The following CYP2A6 variants were observed in gnomAD, a reference collection of about 807,000 sequenced individuals.
The protein encoded by CYP2A6 is cytochrome P450 2A6.
Under a neutral mutation model 42.3 loss-of-function variants are expected in CYP2A6, and 27 were observed. That is an observed-to-expected ratio of 0.64 (90% CI 0.47 to 0.88). The LOEUF (loss-of-function observed/expected upper bound fraction) is 0.88, where lower values mean the gene tolerates loss of function less well. Ranked by LOEUF, CYP2A6 falls within the 40% of genes least tolerant of loss-of-function variation. The pLI, the probability that CYP2A6 is intolerant of heterozygous loss-of-function variation, is 0.00. For synonymous variants in CYP2A6, 238 were observed against 246.3 expected (o/e 0.97, Z 0.31); for missense variants, 628 against 646.0 (o/e 0.97, Z 0.30).
chr19:40,849,086 G>GAGAGAGAGAC (rs1967174021), intron 2 of CYP2A6, among the ~76,000 whole-genome samples: 1 of 145,088 alleles, frequency 6.9e-6, no homozygotes, highest in Non-Finnish European at 1.5e-5. Context: ...GAGAGAGAGA[G>GAGAGAGAGAC]AGACCAGGTT....
rs922092677 is a variant in CYP2A6, at chr19:40,843,951, G to C, written c.1330C>G (p.Leu444Val). Residue 444 changes from leucine to valine, a missense_variant, in exon 9 of 9, where the codon CTG (leucine) becomes GTG (valine). Transcript: ENST00000301141. The stretch of plus-strand genomic sequence containing the variant: ...AAGAGAAAGAGCTCCATTCTGGCCA[G>C]GCCTTCTCCGAAACAGTTCCGCTTT... ...IGKRNCFGEG[L>V]ARMELFLFFT... The C allele has an allele frequency of 6.2e-7, 1 of 1,608,882 alleles. No individual in the cohort carries two copies.
intron 1 of CYP2A6, 66 bp downstream of exon 1, chr19:40,850,181 G>C: frequency 1.3e-6 from 2 of 1,571,078 alleles, no homozygotes; most frequent in Non-Finnish European, 1.7e-6. Flanking sequence ...TCAACCCCCT[G>C]CCACAAAGCC....
At position 40,845,940 on chromosome 19, in the gene CYP2A6, C is replaced by T. The variant is rs761848214; in HGVS notation, c.973+16G>A. The stretch of plus-strand genomic sequence containing the variant: ...AGGGTCTGGGGCCCTCCACTTCCGT[C>T]CCCCTCCAGCCTTACCCTCCACCTC... On this transcript the variant is annotated intron_variant, in intron 6 of 8. Coordinates refer to ENST00000301141, the MANE Select transcript of CYP2A6 (RefSeq NM_000762.6). 22 of 1,608,116 alleles carry T rather than the reference C, an allele frequency of 1.4e-5. No homozygotes were observed. The highest frequency in any genetic ancestry group is 1.8e-5 in the Non-Finnish European group (21 of 1,178,704).
Position 40,848,772 on chromosome 19 carries a change from G to A in CYP2A6, c.344-9C>T, listed in dbSNP as rs967627690. The A allele has an allele frequency of 1.2e-6, 2 of 1,609,824 alleles. No individual in the cohort carries two copies. Among genetic ancestry groups the A allele is most frequent in the African/African-American group, 2.7e-5 (2 of 74,540 alleles). ...GTTGCTGAATACCACGCCTGGGGAG[G>A]TGAACGCGGGAATGGAGACAGGCCA... On this transcript the variant is annotated splice_polypyrimidine_tract_variant and intron_variant, in intron 2 of 8. Coordinates refer to ENST00000301141, the MANE Select transcript of CYP2A6 (RefSeq NM_000762.6).
In CYP2A6 at chr19:40,845,395, C is replaced by A. The variant is rs780602964; in HGVS notation, c.1060G>T (p.Ala354Ser). Residue 354 changes from alanine to serine, a missense_variant, in exon 7 of 9, where the codon GCA becomes TCA. Physicochemically the swap from Ala to Ser is moderately conservative, Grantham distance 99 (BLOSUM62 1). Transcript: ENST00000301141. ...EDRAKMPYME[A>S]VIHEIQRFGD... is the part of the protein sequence containing the mutation. ...AATCTTTGGATCTCGTGGATCACTGCCTCCATGTAGGGCATCTTGGCCCGG... is the reference window on the plus strand; with the variant it reads ...AATCTTTGGATCTCGTGGATCACTGACTCCATGTAGGGCATCTTGGCCCGG... 21 of 1,611,782 alleles carry A rather than the reference C, an allele frequency of 1.3e-5. No individual in the cohort carries two copies. In the Admixed American group the frequency reaches 3.3e-4, roughly 26 times the overall value.
chr19:40,843,704 CCA>C lies in CYP2A6; in HGVS notation c.*90_*91del. 7.6e-7 allele frequency: 1 copy of C among 1,321,158 alleles called. No homozygotes were observed. The highest frequency in any genetic ancestry group is 1.0e-6 in the Non-Finnish European group (1 of 989,838). The allele number at this position is 1,321,158 out of a possible 1,614,324, so 81.8% of individuals were successfully genotyped here. On this transcript the variant is annotated 3_prime_UTR_variant, in exon 9 of 9. Coordinates refer to ENST00000301141, the MANE Select transcript of CYP2A6 (RefSeq NM_000762.6). ...CCCCTTCCTTTCCGCCATCCTGCCC[CCA>C]GTCTTAGCTGCGCCCCTCTCCCAAG...
chr19:40,844,065 A>T, intron 8 of CYP2A6, 88 bp from the exon 9 acceptor site: 7 of 1,490,530 alleles, frequency 4.7e-6, no homozygotes, highest in Non-Finnish European at 6.2e-6. Flanking sequence ...CGGCTCTCCC[A>T]GGGAGGAAGG....
intron 6 of CYP2A6, 38 bp from the exon 7 acceptor site, chr19:40,845,519 G>T: frequency 1.2e-6 from 2 of 1,606,988 alleles, no homozygotes; most frequent in Non-Finnish European, 1.7e-6. Flanking sequence ...GTATCTAGGG[G>T]TCTCAGAGCA....
intron 4 of CYP2A6, among the ~76,000 whole-genome samples, chr19:40,847,485 T>C (rs1055289801): frequency 1.3e-4 from 20 of 151,408 alleles, no homozygotes; most frequent in Middle Eastern, 3.4e-3. Flanking sequence ...TGGGTCTGGA[T>C]TGGGGGCTTT....
intron 2 of CYP2A6, 41 bp from the exon 3 acceptor site, chr19:40,848,804 G>A (rs1315858693): frequency 3.8e-6 from 6 of 1,580,290 alleles, no homozygotes; most frequent in Non-Finnish European, 5.2e-6. Flanking sequence ...GCCAGGGGGC[G>A]GCAGGGGCAG....
intron 7 of CYP2A6, 182 bp from the exon 8 acceptor site, chr19:40,844,954 T>A: frequency 1.2e-6 from 1 of 811,066 alleles, no homozygotes; most frequent in South Asian, 1.9e-5. Flanking sequence ...AACAGGAAGT[T>A]TGGGAGACAT....
chr19:40,848,691 C>A lies in CYP2A6; in HGVS notation c.416G>T (p.Gly139Val). 8.7e-6 allele frequency: 14 copies of A among 1,611,984 alleles called. No homozygotes were observed. Among genetic ancestry groups the A allele is most frequent in the Non-Finnish European group, 1.2e-5 (14 of 1,179,910 alleles). ...RFSIATLRDF[G>V]VGKRGIEERI... is the part of the protein sequence containing the mutation. ...CTCCTCGATGCCTCGCTTGCCCACC[C>A]CGAAGTCCCGCAGGGTGGCGATGGA... Residue 139 changes from glycine (G) to valine (V), a missense_variant, in exon 3 of 9, where the codon GGG (glycine) becomes GTG (valine). Physicochemically the swap from Gly to Val is moderately radical, Grantham distance 109. Coordinates refer to ENST00000301141, the MANE Select transcript of CYP2A6 (RefSeq NM_000762.6).
intron 4 of CYP2A6, among the ~76,000 whole-genome samples, chr19:40,847,478 G>A (rs928032255): frequency 6.6e-6 from 1 of 151,466 alleles, no homozygotes; most frequent in African/African-American, 2.4e-5. Flanking sequence ...TACTTACTGG[G>A]TCTGGATTGG....
intron 7 of CYP2A6, 66 bp from the exon 8 acceptor site, chr19:40,844,838 C>G (rs1247839178): frequency 9.0e-6 from 14 of 1,552,888 alleles, no homozygotes; most frequent in Admixed American, 1.8e-5. Context: ...TACACAGGGG[C>G]TGGAGGGGGA....
At position 40,848,633 on chromosome 19, in the gene CYP2A6, G is replaced by A; in HGVS notation, c.474C>T (p.Asp158=). The change falls in exon 3 of 9, where the codon GAC becomes GAT. Residue 158 remains aspartate (D), a synonymous_variant. Coordinates refer to ENST00000301141, the MANE Select transcript of CYP2A6 (RefSeq NM_000762.6). Reference sequence around the variant, plus strand: ...GCTCACCGCCAGTGCCCCGGAGGGCGTCGATGAGGAAGCCCGCCTCCTCCT... The same window carrying A: ...GCTCACCGCCAGTGCCCCGGAGGGCATCGATGAGGAAGCCCGCCTCCTCCT... ...RIQEEAGFLI[D]ALRGTGGANI... The A allele has an allele frequency of 6.4e-7, 1 of 1,564,570 alleles. No homozygotes were observed. The highest frequency in any genetic ancestry group is 8.7e-7 in the Non-Finnish European group (1 of 1,154,564).
chr19:40,846,855 C>T lies in CYP2A6; in HGVS notation c.831+20G>A, dbSNP rs762311895. The T allele has an allele frequency of 1.2e-6, 2 of 1,610,390 alleles. No individual in the cohort carries two copies. Among genetic ancestry groups the T allele is most frequent in the Non-Finnish European group, 1.7e-6 (2 of 1,179,014 alleles). ...CTCTGCCTGGCTTTGCATCTCCCCG[C>T]AGTGGCTGCTGGGGTGTACCTCCTG... On this transcript the variant is annotated intron_variant, in intron 5 of 8. Coordinates refer to ENST00000301141, the MANE Select transcript of CYP2A6 (RefSeq NM_000762.6).
intron 1 of CYP2A6, 65 bp from the exon 2 acceptor site, chr19:40,850,045 A>G (rs1599781081): frequency 6.3e-7 from 1 of 1,592,974 alleles, no homozygotes; most frequent in East Asian, 2.3e-5. Context: ...CCCAGCACCG[A>G]GATGTCATGT....
At chr19:40,848,839 C>T (rs1360252702) in intron 2 of CYP2A6, 76 bp from the exon 3 acceptor site, 1 of 1,523,018 alleles carries the variant, frequency 6.6e-7, no homozygotes, top group African/African-American at 1.4e-5. Flanking sequence ...CAAGGGGCTC[C>T]CCAAGGGTGG....
chr19:40,848,117 A>G (rs1967132147), intron 4 of CYP2A6, 102 bp downstream of exon 4: 2 of 1,561,826 alleles, frequency 1.3e-6, no homozygotes, highest in South Asian at 2.4e-5. Context: ...TTGAGGGGAC[A>G]CTGTCTGGAG....
Sources: gnomAD v4.1 joint callset for allele counts (sites outside exome capture counted in the v4.1 genomes callset) on GRCh38, gnomAD v4.1.1 for gene constraint, MANE v1.5 for transcripts, NCBI Gene and HGNC (gene_info 2026-07-23, HGNC 2026-07-21) for gene names.